SH2D4B: variants seen among roughly 807,000 people sequenced by gnomAD.
The protein encoded by SH2D4B is SH2 domain containing 4B.
A neutral mutation model predicts 61.5 loss-of-function variants in SH2D4B; 45 were observed. That is an observed-to-expected ratio of 0.73 (90% CI 0.58 to 0.94). SH2D4B has a LOEUF of 0.94. Ranked by LOEUF, SH2D4B falls within the 40% of genes least tolerant of loss-of-function variation. The pLI, the probability that SH2D4B is intolerant of heterozygous loss-of-function variation, is 0.00. For missense variants in SH2D4B, 572 were observed against 574.2 expected, an observed-to-expected ratio of 1.00 and a Z score of 0.04; for synonymous variants, 224 against 220.4, an observed-to-expected ratio of 1.02 and a Z score of -0.14.
chr10:80,591,451 G>A (rs1404009156), intron 4 of SH2D4B, among the ~76,000 whole-genome samples: 2 of 151,704 alleles, frequency 1.3e-5, no homozygotes, highest in Non-Finnish European at 2.9e-5. Context: ...TCAGAGTCCC[G>A]AGGCAGTGGA....
chr10:80,580,397 A>T (rs1484150214), intron 3 of SH2D4B, among the ~76,000 whole-genome samples: 1 of 152,176 alleles, frequency 6.6e-6, no homozygotes, highest in South Asian at 2.1e-4. Context: ...TCCTCTGTAG[A>T]CTGGCCAGAA....
chr10:80,538,374 C>G lies in SH2D4B; in HGVS notation c.43C>G (p.Leu15Val), dbSNP rs577059009. 1.1e-4 allele frequency: 153 copies of G among 1,411,312 alleles called. No homozygotes were observed. In the Middle Eastern group the frequency reaches 3.5e-3, roughly 33 times the overall value. 87.4% of individuals were successfully genotyped at this position (1,411,312 alleles called of 1,614,324 possible). The change falls in exon 1 of 8, where the codon CTC (leucine) becomes GTC (valine). Residue 15 changes from leucine (L) to valine (V), a missense_variant. Physicochemically the swap from Leu to Val is conservative, Grantham distance 32. Transcript: ENST00000646907. The surrounding 1 kb of genome is among the most constrained non-coding windows in gnomAD (Gnocchi z 4.8). ...GCACGACATGTACATCGACCCCGAGCTCCTTGCCGAGCTCAGCGATGTGCA... is the reference window on the plus strand; with the variant it reads ...GCACGACATGTACATCGACCCCGAGGTCCTTGCCGAGCTCAGCGATGTGCA... Reference protein sequence around the residue: ...ILHDMYIDPELLAELSDVQKH... With the variant: ...ILHDMYIDPEVLAELSDVQKH...
At chr10:80,594,194 GA>G (rs1431098200) in intron 4 of SH2D4B, among the ~76,000 whole-genome samples, 1 of 152,162 alleles carries the variant, frequency 6.6e-6, no homozygotes, top group Non-Finnish European at 1.5e-5. Flanking sequence ...TTTTTATGAT[GA>G]AAGGGTGTTG....
Position 80,644,452 on chromosome 10 carries a change from T to G in SH2D4B, c.*367T>G, listed in dbSNP as rs1840363416. On this transcript the variant is annotated 3_prime_UTR_variant, in exon 8 of 8. Transcript: ENST00000646907. The stretch of plus-strand genomic sequence containing the variant: ...AATTTAACATATGGTAGACATTCAG[T>G]AAATGTTTGTTGAATGAATGCATGT... 1 of 173,566 alleles carries G rather than the reference T, an allele frequency of 5.8e-6. No individual in the cohort carries two copies. The highest frequency in any genetic ancestry group is 2.4e-5 in the African/African-American group (1 of 42,372). 10.8% of individuals were successfully genotyped at this position (173,566 alleles called of 1,614,324 possible).
chr10:80,604,939 GC>G (rs1263405819), intron 5 of SH2D4B, among the ~76,000 whole-genome samples: 1 of 152,050 alleles, frequency 6.6e-6, no homozygotes. Flanking sequence ...GACTATAGGT[GC>G]CCGCCACCAC....
chr10:80,570,075 G>A, intron 1 of SH2D4B, 79 bp from the exon 2 acceptor site: 1 of 1,538,834 alleles, frequency 6.5e-7, no homozygotes. Flanking sequence ...TGTGATGGTT[G>A]TTTACCACTG....
At chr10:80,629,601 T>C (rs1201713688) in intron 6 of SH2D4B, among the ~76,000 whole-genome samples, 1 of 152,136 alleles carries the variant, frequency 6.6e-6, no homozygotes, top group Non-Finnish European at 1.5e-5. Flanking sequence ...AGCCTGACAG[T>C]CCTGTGACCA....
chr10:80,572,475 A>C (rs900415888), intron 3 of SH2D4B, among the ~76,000 whole-genome samples: 1 of 152,062 alleles, frequency 6.6e-6, no homozygotes, highest in South Asian at 2.1e-4. Context: ...TGGAGTTGTT[A>C]ACGTGTGTGC....
chr10:80,613,901 C>T (rs562931630), intron 6 of SH2D4B, among the ~76,000 whole-genome samples: 10 of 152,286 alleles, frequency 6.6e-5, no homozygotes, highest in South Asian at 4.1e-4. Context: ...CAGACTCCTC[C>T]GGATTGCTGT....
intron 1 of SH2D4B, among the ~76,000 whole-genome samples, chr10:80,555,002 C>CAAAAAAAAAAAA (rs35160548): frequency 1.6e-5 from 1 of 63,662 alleles, no homozygotes; most frequent in African/African-American, 7.4e-5. Flanking sequence ...AGGCGAGTCT[C>CAAAAAAAAAAAA]AAAAAAAAAA....
At chr10:80,635,736 C>A (rs1005931088) in intron 7 of SH2D4B, among the ~76,000 whole-genome samples, 4 of 152,164 alleles carry the variant, frequency 2.6e-5, no homozygotes, top group Admixed American at 2.6e-4. Context: ...GCTCTACATC[C>A]ATGCTCTTAT....
chr10:80,608,849 G>C (rs777157606), intron 5 of SH2D4B, among the ~76,000 whole-genome samples: 5 of 152,148 alleles, frequency 3.3e-5, no homozygotes, highest in African/African-American at 7.2e-5. Context: ...TTCTCTCTCT[G>C]TTCACTGCCC....
intron 7 of SH2D4B, among the ~76,000 whole-genome samples, chr10:80,638,281 C>T (rs575129651): frequency 6.7e-4 from 102 of 152,292 alleles, no homozygotes; most frequent in South Asian, 4.8e-3. Context: ...GCTTTGGTAT[C>T]AGGATGACGT....
At chr10:80,540,494 C>T (rs528754144) in intron 1 of SH2D4B, among the ~76,000 whole-genome samples, 5 of 152,268 alleles carry the variant, frequency 3.3e-5, no homozygotes, top group African/African-American at 1.2e-4. Context: ...GGGCAAGCTC[C>T]CTGATTTCAT....
intron 3 of SH2D4B, among the ~76,000 whole-genome samples, chr10:80,584,323 C>A (rs565316112): frequency 6.6e-6 from 1 of 152,236 alleles, no homozygotes; most frequent in Admixed American, 6.5e-5. Context: ...AAAGATGGCA[C>A]CCGGGGTAGT....
At chr10:80,606,106 C>T (rs1354976421) in intron 5 of SH2D4B, among the ~76,000 whole-genome samples, 1 of 152,104 alleles carries the variant, frequency 6.6e-6, no homozygotes, top group Non-Finnish European at 1.5e-5. Flanking sequence ...GGGACGGGTG[C>T]CCATGGCCTC....
chr10:80,640,605 C>T (rs1210174996), intron 7 of SH2D4B, among the ~76,000 whole-genome samples: 1 of 152,224 alleles, frequency 6.6e-6, no homozygotes, highest in Non-Finnish European at 1.5e-5. Flanking sequence ...GTGCATGCAT[C>T]ACACAGTTCT....
At chr10:80,618,754 C>T (rs1842685443) in intron 6 of SH2D4B, among the ~76,000 whole-genome samples, 1 of 151,984 alleles carries the variant, frequency 6.6e-6, no homozygotes, top group Non-Finnish European at 1.5e-5. Flanking sequence ...AAAAGTGAAA[C>T]GTCGTGGCTG....
intron 6 of SH2D4B, among the ~76,000 whole-genome samples, chr10:80,628,516 G>A (rs1017690797): frequency 5.9e-5 from 9 of 152,160 alleles, no homozygotes; most frequent in South Asian, 4.1e-4. Context: ...GTCTTTATCA[G>A]GAGCATGAAA....
Sources: allele counts gnomAD v4.1 joint callset (sites outside exome capture counted in the v4.1 genomes callset), GRCh38; gene constraint gnomAD v4.1.1; non-coding constraint Gnocchi (gnomAD v3.1); transcripts MANE v1.5; gene names NCBI Gene and HGNC (gene_info 2026-07-23, HGNC 2026-07-21).